Variants in CDC42BPA observed in about 807,000 individuals in gnomAD.
CDC42BPA encodes serine/threonine-protein kinase MRCK alpha.
Under a neutral mutation model 223.5 loss-of-function variants are expected in CDC42BPA, and 80 were observed. That is an observed-to-expected ratio of 0.36 (90% CI 0.30 to 0.43). The LOEUF (loss-of-function observed/expected upper bound fraction) is 0.43. CDC42BPA is among the 20% of genes least tolerant of loss of function. The pLI, the probability that CDC42BPA is intolerant of heterozygous loss-of-function variation, is 1.00. For missense variants in CDC42BPA, 1,743 were observed against 2,099.9 expected (o/e 0.83, Z 3.32); for synonymous variants, 694 against 718.6 (o/e 0.97, Z 0.55).
At chr1:227,304,665 G>C (rs1692251612) in intron 1 of CDC42BPA, among the ~76,000 whole-genome samples, 1 of 152,194 alleles carries the variant, frequency 6.6e-6, no homozygotes, top group Non-Finnish European at 1.5e-5. Context: ...CTCCTATGGG[G>C]TGCAGTGAAA....
intron 2 of CDC42BPA, among the ~76,000 whole-genome samples, chr1:227,230,965 C>G (rs971236576): frequency 5.9e-5 from 9 of 151,662 alleles, no homozygotes; most frequent in African/African-American, 2.2e-4. Context: ...GGACTACAGG[C>G]ACGCACCACC....
intron 34 of CDC42BPA, among the ~76,000 whole-genome samples, chr1:227,011,295 ATAAG>A (rs1400698639): frequency 2.6e-5 from 4 of 152,194 alleles, no homozygotes; most frequent in Admixed American, 6.5e-5. Flanking sequence ...TTTAATTAAA[ATAAG>A]TAAGGAGAAA....
intron 8 of CDC42BPA, among the ~76,000 whole-genome samples, chr1:227,143,592 C>T (rs12121729): frequency 0.14 from 21,317 of 152,146 alleles, 1,880 homozygotes; most frequent in South Asian, 0.33. Flanking sequence ...GTGTTCCTAG[C>T]GCCAGAGGAC....
intron 35 of CDC42BPA, 38 bp from the exon 36 acceptor site, chr1:226,995,018 G>A: frequency 6.3e-7 from 1 of 1,586,762 alleles, no homozygotes; most frequent in Non-Finnish European, 8.6e-7. Flanking sequence ...TACATATGCA[G>A]AGGGGACAAT....
intron 32 of CDC42BPA, among the ~76,000 whole-genome samples, chr1:227,022,023 G>A (rs1360640100): frequency 3.6e-5 from 1 of 27,610 alleles, no homozygotes; most frequent in African/African-American, 1.4e-4. Context: ...CGTCTCCCCC[G>A]CAAAAAAAAA....
chr1:227,235,054 G>A (rs1186334763), intron 2 of CDC42BPA: 1 of 151,678 alleles, frequency 6.6e-6, no homozygotes, highest in African/African-American at 2.4e-5. Flanking sequence ...CAAGTGTAGA[G>A]ATCATGGCTG....
At position 227,294,580 on chromosome 1, in the gene CDC42BPA, G is replaced by A. The variant is rs1388861259; in HGVS notation, c.178+22425C>T. On this transcript the variant is annotated intron_variant, in intron 1 of 36. Coordinates refer to ENST00000366766, the MANE Select transcript of CDC42BPA (RefSeq NM_001394014.1). ...AACTGAAGCAAAAAGAGGTTAATTG[G>A]CCGGGCGCGGTGGCTCACGCCTGTA... is the stretch of plus-strand genomic sequence containing the variant. Among the ~76,000 whole-genome samples, 137 of 73,458 alleles carry A rather than the reference G, an allele frequency of 1.9e-3. 22 individuals carry two copies. Among genetic ancestry groups the A allele is most frequent in the Admixed American group, 2.2e-3 (15 of 6,790 alleles). 48.2% of individuals were successfully genotyped at this position (73,458 alleles called of 152,430 possible). A position where few individuals can be genotyped will look rare whatever the true frequency, so the allele number is the denominator to read the frequency against.
chr1:227,130,595 C>T (rs1284497152), intron 10 of CDC42BPA, among the ~76,000 whole-genome samples: 1 of 148,396 alleles, frequency 6.7e-6, no homozygotes, highest in Non-Finnish European at 1.5e-5. Context: ...TGGCTCATGC[C>T]TGTAATCCCA....
chr1:227,175,451 A>C (rs1398089732), intron 5 of CDC42BPA, among the ~76,000 whole-genome samples: 1 of 151,500 alleles, frequency 6.6e-6, no homozygotes, highest in Non-Finnish European at 1.5e-5. Context: ...ATATATATAA[A>C]TAAATAACTG....
At chr1:227,236,127 T>C (rs1678969712) in intron 2 of CDC42BPA, among the ~76,000 whole-genome samples, 1 of 152,198 alleles carries the variant, frequency 6.6e-6, no homozygotes, top group Admixed American at 6.5e-5. Flanking sequence ...TTTCTAACAC[T>C]TGTTAGAGCT....
intron 10 of CDC42BPA, among the ~76,000 whole-genome samples, chr1:227,135,516 G>A (rs893002684): frequency 7.9e-5 from 12 of 152,068 alleles, no homozygotes; most frequent in African/African-American, 1.9e-4. Context: ...TCCAGCTCCC[G>A]ATTCTGGGCA....
chr1:227,313,669 C>G (rs1324893527), intron 1 of CDC42BPA, among the ~76,000 whole-genome samples: 2 of 151,922 alleles, frequency 1.3e-5, no homozygotes, highest in Non-Finnish European at 2.9e-5. Flanking sequence ...GAAAAGCTAA[C>G]AATGAGGAAC....
At chr1:227,052,076 A>C in intron 21 of CDC42BPA, 91 bp from the exon 22 acceptor site, 2 of 623,786 alleles carry the variant, frequency 3.2e-6, no homozygotes, top group Non-Finnish European at 5.6e-6. Flanking sequence ...CATGATTATG[A>C]CAACATTTCT....
chr1:226,995,225 C>G (rs1306023955), intron 35 of CDC42BPA, among the ~76,000 whole-genome samples: 1 of 152,220 alleles, frequency 6.6e-6, no homozygotes, highest in Non-Finnish European at 1.5e-5. Context: ...CTAGGCTGTG[C>G]CATCTGCCCC....
intron 20 of CDC42BPA, 49 bp downstream of exon 20, chr1:227,072,159 T>C (rs1231167086): frequency 2.0e-6 from 2 of 1,005,904 alleles, no homozygotes; most frequent in Non-Finnish European, 3.0e-6. Flanking sequence ...TAAAATATAT[T>C]TATAACATAA....
At position 227,081,851 on chromosome 1, in the gene CDC42BPA, A is replaced by G. The variant is rs571761500; in HGVS notation, c.2356-834T>C. On this transcript the variant is annotated intron_variant, in intron 16 of 36. Coordinates refer to ENST00000366766, the MANE Select transcript of CDC42BPA (RefSeq NM_001394014.1). ...CATACATATCACTGTATGTATCTCT[A>G]AAGAATAAGGATCTCTCTTTTAAAA... Among the ~76,000 whole-genome samples, 4 of 152,290 alleles carry G rather than the reference A, an allele frequency of 2.6e-5. No homozygotes were observed. In the South Asian group the frequency reaches 6.2e-4, roughly 24 times the overall value.
At chr1:227,004,609 AACATT>A (rs1335202700) in intron 35 of CDC42BPA, 1 of 251,746 alleles carries the variant, frequency 4.0e-6, no homozygotes, top group East Asian at 8.2e-5. Context: ...CAGTTAACCA[AACATT>A]ACTCAAACAT....
At chr1:227,273,716 A>G (rs1686378926) in intron 1 of CDC42BPA, among the ~76,000 whole-genome samples, 1 of 152,110 alleles carries the variant, frequency 6.6e-6, no homozygotes, top group South Asian at 2.1e-4. Context: ...CAGGTAGCAC[A>G]TGTGATCTGT....
chr1:227,223,613 T>A (rs1430376125), intron 2 of CDC42BPA, among the ~76,000 whole-genome samples: 1 of 151,772 alleles, frequency 6.6e-6, no homozygotes, highest in Non-Finnish European at 1.5e-5. Context: ...GACTAGAGAG[T>A]GAGAAATCTA....
Sources: allele counts gnomAD v4.1 joint callset (sites outside exome capture counted in the v4.1 genomes callset), GRCh38; gene constraint gnomAD v4.1.1; transcripts MANE v1.5; gene names NCBI Gene and HGNC (gene_info 2026-07-23, HGNC 2026-07-21).